The following LAMA2 variants were observed in gnomAD, a reference collection of about 807,000 sequenced individuals.
LAMA2 encodes the protein laminin subunit alpha 2.
A neutral mutation model predicts 364.8 loss-of-function variants in LAMA2; 269 were observed. The observed-to-expected ratio is 0.74, with a 90% CI of 0.67 to 0.82. The LOEUF (loss-of-function observed/expected upper bound fraction) is 0.82, where lower values mean the gene tolerates loss of function less well. Ranked by LOEUF, LAMA2 falls within the 40% of genes least tolerant of loss-of-function variation. The pLI, the probability that LAMA2 is intolerant of heterozygous loss-of-function variation, is 0.00. For missense variants in LAMA2, 3,807 were observed against 3,873.2 expected, an observed-to-expected ratio of 0.98 and a Z score of 0.45; for synonymous variants, 1,379 against 1,370.6, an observed-to-expected ratio of 1.01 and a Z score of -0.14.
chr6:129,433,366 C>T (rs1781691723), intron 41 of LAMA2, among the ~76,000 whole-genome samples: 1 of 152,186 alleles, frequency 6.6e-6, no homozygotes, highest in African/African-American at 2.4e-5. Flanking sequence ...CTCGGGTGCT[C>T]TTCTTTCCTA....
intron 12 of LAMA2, among the ~76,000 whole-genome samples, chr6:129,228,107 G>A (rs192521612): frequency 4.7e-4 from 71 of 152,282 alleles, no homozygotes; most frequent in African/African-American, 1.6e-3. Flanking sequence ...ACAAGGCTCC[G>A]TAGGCATGGG....
chr6:129,333,128 G>C (rs1368012336), intron 29 of LAMA2, among the ~76,000 whole-genome samples: 1 of 152,040 alleles, frequency 6.6e-6, no homozygotes, highest in Non-Finnish European at 1.5e-5. Flanking sequence ...CTGACCTCAA[G>C]TGATCTGCCT....
At chr6:129,304,231 G>C (rs1773726052) in intron 22 of LAMA2, among the ~76,000 whole-genome samples, 1 of 152,032 alleles carries the variant, frequency 6.6e-6, no homozygotes, top group African/African-American at 2.4e-5. Context: ...CTTACTTTGA[G>C]TTTAATTTTC....
intron 1 of LAMA2, among the ~76,000 whole-genome samples, chr6:129,005,253 A>G (rs1784375021): frequency 6.6e-6 from 1 of 150,588 alleles, no homozygotes; most frequent in Admixed American, 6.6e-5. Flanking sequence ...CTCTCTTCCC[A>G]CCCTTCCTTT....
intron 4 of LAMA2, among the ~76,000 whole-genome samples, chr6:129,129,726 C>T (rs992839817): frequency 4.0e-5 from 6 of 151,890 alleles, no homozygotes; most frequent in Admixed American, 1.3e-4. Flanking sequence ...AGATCGAGAC[C>T]ATCCCGGCTA....
intron 1 of LAMA2, chr6:128,905,331 T>C (rs968090969): frequency 8.5e-5 from 13 of 152,178 alleles, no homozygotes; most frequent in African/African-American, 3.1e-4. Context: ...ATATGGTTTA[T>C]TGAGTTTAAA....
intron 1 of LAMA2, among the ~76,000 whole-genome samples, chr6:128,937,386 T>C (rs1374331050): frequency 6.6e-6 from 1 of 152,172 alleles, no homozygotes; most frequent in Non-Finnish European, 1.5e-5. Flanking sequence ...TATAATGAGA[T>C]TGGAAGTGTT....
At chr6:129,330,591 GGTTTTTGTTTT>G (rs1335500109) in intron 29 of LAMA2, among the ~76,000 whole-genome samples, 9 of 83,790 alleles carry the variant, frequency 1.1e-4, no homozygotes, top group Non-Finnish European at 1.8e-4. Context: ...GTTGTTGTTT[GGTTTTTGTTTT>G]TTTTTTTTTT....
intron 28 of LAMA2, among the ~76,000 whole-genome samples, chr6:129,321,830 G>A (rs780453592): frequency 1.7e-4 from 26 of 152,124 alleles, no homozygotes; most frequent in Non-Finnish European, 2.8e-4. Context: ...AAACTGAAGT[G>A]CAACTTAAAA....
intron 28 of LAMA2, among the ~76,000 whole-genome samples, chr6:129,326,487 T>C (rs1775292599): frequency 6.6e-6 from 1 of 152,016 alleles, no homozygotes; most frequent in Admixed American, 6.6e-5. Context: ...ACTTCTTGTG[T>C]TTCTTTTTCT....
intron 22 of LAMA2, among the ~76,000 whole-genome samples, chr6:129,312,436 A>G (rs1774287268): frequency 6.6e-6 from 1 of 152,214 alleles, no homozygotes. Context: ...ATGTTATGCT[A>G]ACATATTTAC....
At chr6:129,106,814 TTCC>T (rs973119873) in intron 4 of LAMA2, among the ~76,000 whole-genome samples, 1 of 150,420 alleles carries the variant, frequency 6.6e-6, no homozygotes, top group African/African-American at 2.4e-5. Context: ...GAGGATTATA[TTCC>T]TCCTTTTTCT....
At chr6:129,471,724 A>G (rs1252241236) in intron 51 of LAMA2, among the ~76,000 whole-genome samples, 1 of 152,010 alleles carries the variant, frequency 6.6e-6, no homozygotes, top group Non-Finnish European at 1.5e-5. Context: ...TAAAAATAAT[A>G]AAATAGGTGT....
chr6:129,493,069 C>A (rs896449425), intron 58 of LAMA2, among the ~76,000 whole-genome samples: 1 of 152,048 alleles, frequency 6.6e-6, no homozygotes, highest in African/African-American at 2.4e-5. Flanking sequence ...GCAGGAGAAT[C>A]GCTTGAACCC....
chr6:129,338,085 C>G (rs1276120263), intron 29 of LAMA2, among the ~76,000 whole-genome samples: 1 of 152,128 alleles, frequency 6.6e-6, no homozygotes, highest in Non-Finnish European at 1.5e-5. Flanking sequence ...ACAATATTTG[C>G]TTTCTCTGTT....
chr6:129,511,067 G>C (rs1250317576), intron 62 of LAMA2, among the ~76,000 whole-genome samples: 2 of 151,994 alleles, frequency 1.3e-5, no homozygotes, highest in Non-Finnish European at 2.9e-5. Flanking sequence ...TATAATTCTG[G>C]ATCAAACAAA....
At chr6:129,129,507 A>G (rs940361561) in intron 4 of LAMA2, among the ~76,000 whole-genome samples, 1 of 152,226 alleles carries the variant, frequency 6.6e-6, no homozygotes, top group Non-Finnish European at 1.5e-5. Flanking sequence ...GGGCCATTAC[A>G]TCATTTCTCA....
At chr6:129,281,319 C>G (rs1332491193) in intron 18 of LAMA2, among the ~76,000 whole-genome samples, 1 of 152,084 alleles carries the variant, frequency 6.6e-6, no homozygotes, top group Non-Finnish European at 1.5e-5. Context: ...GCCTAAACCC[C>G]CCAGTTCACT....
chr6:129,165,582 C>A lies in LAMA2; in HGVS notation c.1213C>A (p.Pro405Thr), dbSNP rs1779698090. The A allele has an allele frequency of 6.2e-7, 1 of 1,607,730 alleles. No individual in the cohort carries two copies. The highest frequency in any genetic ancestry group is 1.3e-5 in the African/African-American group (1 of 74,730). Residue 405 changes from proline to threonine, a missense_variant, in exon 9 of 65, where the codon CCA (proline) becomes ACA (threonine). Coordinates refer to ENST00000421865, the MANE Select transcript of LAMA2 (RefSeq NM_000426.4). ...DGFFRPKGVS[P>T]NYPRPCQPCH... The stretch of plus-strand genomic sequence containing the variant: ...ATTTTAATATTTTTGTTAGGTATCT[C>A]CAAATTATCCAAGGCCATGCCAGCC...
Sources: gnomAD v4.1 joint callset for allele counts (sites outside exome capture counted in the v4.1 genomes callset) on GRCh38, gnomAD v4.1.1 for gene constraint, MANE v1.5 for transcripts, NCBI Gene and HGNC (gene_info 2026-07-23, HGNC 2026-07-21) for gene names.